The following CCNY variants were observed in gnomAD, a reference collection of about 807,000 sequenced individuals.
The protein encoded by CCNY is cyclin-Y.
CCNY carries 19 observed loss-of-function variants against 42.8 expected under a neutral mutation model. The ratio of observed to expected loss-of-function variants is 0.44; its 90% confidence interval spans 0.31 to 0.65. CCNY has a LOEUF of 0.65. Among genes scored for constraint, CCNY ranks in the 30% least tolerant of loss-of-function variants. The probability of loss-of-function intolerance (pLI) is 0.07; values close to 1 mark genes in which losing one functional copy is unlikely to be tolerated. For synonymous variants in CCNY, 165 were observed against 162.7 expected, an observed-to-expected ratio of 1.01 and a Z score of -0.11; for missense variants, 370 against 437.3, an observed-to-expected ratio of 0.85 and a Z score of 1.37.
At chr10:35,289,878 CA>C (rs35388058) in intron 3 of CCNY, among the ~76,000 whole-genome samples, 33,359 of 85,670 alleles carry the variant, frequency 0.39, 3,793 homozygotes, top group Admixed American at 0.44. Context: ...GACTCTGTCT[CA>C]AAAAAAAAAA....
chr10:35,370,789 C>T (rs1836917669), intron 1 of CCNY, among the ~76,000 whole-genome samples: 1 of 151,634 alleles, frequency 6.6e-6, no homozygotes, highest in African/African-American at 2.4e-5. Context: ...CATCTTGGCT[C>T]ACTACAAGCT....
intron 1 of CCNY, among the ~76,000 whole-genome samples, chr10:35,472,174 T>C (rs920584682): frequency 6.6e-6 from 1 of 152,184 alleles, no homozygotes; most frequent in African/African-American, 2.4e-5. Flanking sequence ...AGTACCTGAC[T>C]CCTAATCGTC....
chr10:35,532,469 A>G (rs527248034), intron 7 of CCNY, among the ~76,000 whole-genome samples: 40 of 152,346 alleles, frequency 2.6e-4, no homozygotes, highest in African/African-American at 9.4e-4. Flanking sequence ...CAAACACCCA[A>G]ACCTACTTCA....
At chr10:35,410,516 A>C (rs576870022) in intron 1 of CCNY, among the ~76,000 whole-genome samples, 2 of 152,228 alleles carry the variant, frequency 1.3e-5, no homozygotes, top group African/African-American at 4.8e-5. Context: ...AAGTAAGGCA[A>C]ATAGGGTCCT....
At chr10:35,557,368 C>A (rs921363733) in intron 8 of CCNY, among the ~76,000 whole-genome samples, 15 of 152,212 alleles carry the variant, frequency 9.9e-5, no homozygotes, top group Non-Finnish European at 2.1e-4. Flanking sequence ...ACATTTAAGT[C>A]AAAATTGCAG....
intron 3 of CCNY, among the ~76,000 whole-genome samples, chr10:35,329,800 C>T (rs1835921925): frequency 6.6e-6 from 1 of 152,050 alleles, no homozygotes; most frequent in African/African-American, 2.4e-5. Flanking sequence ...GGCGAGCAGG[C>T]CAACCTGACT....
At chr10:35,555,047 A>ATT (rs1841336562) in intron 8 of CCNY, among the ~76,000 whole-genome samples, 1 of 152,220 alleles carries the variant, frequency 6.6e-6, no homozygotes, top group African/African-American at 2.4e-5. Context: ...TTTATAAAAT[A>ATT]TTTGTCAGGA....
Position 35,254,999 on chromosome 10 carries a change from C to T in CCNY, c.-9+4373C>T, listed in dbSNP as rs116839276. ...TAAACAATCGACTGTTGGGTTGTGG[C>T]CTAACAAAGGGTCTACCCTGGGTAA... On this transcript the variant is annotated intron_variant, in intron 3 of 11. Coordinates refer to the CCNY transcript ENST00000374706. Among the ~76,000 whole-genome samples the T allele has an allele frequency of 8.2e-3, 1,250 of 152,176 alleles. 25 individuals carry two copies. The highest frequency in any genetic ancestry group is 0.028 in the African/African-American group (1,181 of 41,516).
intron 3 of CCNY, among the ~76,000 whole-genome samples, chr10:35,255,914 T>A (rs1170355451): frequency 1.3e-5 from 2 of 152,216 alleles, no homozygotes; most frequent in African/African-American, 2.4e-5. Context: ...TTAAATCTTC[T>A]TGCTGTACTG....
rs577201141 is a variant in CCNY at position 35,368,731 on chromosome 10, C to T, written c.154+31524C>T. Among the ~76,000 whole-genome samples, 32 of 152,320 alleles carry T rather than the reference C, an allele frequency of 2.1e-4. No individual in the cohort carries two copies. In the South Asian group the frequency reaches 5.8e-3, roughly 28 times the overall value. ...GGCCGCTGTGGGGTGGGCGGTGTGG[C>T]ATAGGAGTGCCCTTCCAACTTGGGA... On this transcript the variant is annotated intron_variant, in intron 1 of 9. Transcript: ENST00000374704.
intron 1 of CCNY, among the ~76,000 whole-genome samples, chr10:35,362,341 GGA>G (rs1487469915): frequency 6.6e-6 from 1 of 152,212 alleles, no homozygotes; most frequent in Non-Finnish European, 1.5e-5. Context: ...ACAGTTTCAT[GGA>G]GAGAGAGATT....
chr10:35,374,644 A>C (rs1379050816), intron 1 of CCNY, among the ~76,000 whole-genome samples: 1 of 152,212 alleles, frequency 6.6e-6, no homozygotes, highest in Non-Finnish European at 1.5e-5. Flanking sequence ...TGGCGATGCA[A>C]CTGTGGTCTT....
intron 3 of CCNY, among the ~76,000 whole-genome samples, chr10:35,261,573 C>T (rs977454645): frequency 4.3e-4 from 66 of 152,038 alleles, no homozygotes; most frequent in African/African-American, 1.3e-3. Flanking sequence ...GGCTTGGTGG[C>T]TCATGCCTGT....
chr10:35,530,662 G>A lies in CCNY; in HGVS notation c.579+419G>A, dbSNP rs1840746189. ...TCATCTTATATGAACACTTGTCTAG[G>A]AAGGAGTGTGTATATTCCTAGCTTC... On this transcript the variant is annotated intron_variant, in intron 7 of 9. Transcript: ENST00000374704. This position sits in a 1 kb window ranked among gnomAD's most constrained non-coding sequence, Gnocchi z 4.3. Among the ~76,000 whole-genome samples, 1 of 152,158 alleles carries A rather than the reference G, an allele frequency of 6.6e-6. No homozygotes were observed. Among genetic ancestry groups the A allele is most frequent in the African/African-American group, 2.4e-5 (1 of 41,424 alleles).
At chr10:35,362,385 G>T (rs952139270) in intron 1 of CCNY, among the ~76,000 whole-genome samples, 2 of 152,158 alleles carry the variant, frequency 1.3e-5, no homozygotes, top group Non-Finnish European at 2.9e-5. Flanking sequence ...GGTGGTTCTT[G>T]CAAATAGAAC....
chr10:35,266,455 G>T (rs1383156151), intron 3 of CCNY, among the ~76,000 whole-genome samples: 1 of 151,820 alleles, frequency 6.6e-6, no homozygotes, highest in African/African-American at 2.4e-5. Flanking sequence ...CTTGGTGGAG[G>T]AATTCCATGT....
intron 2 of CCNY, among the ~76,000 whole-genome samples, chr10:35,486,211 G>A (rs12572958): frequency 1.5e-4 from 23 of 152,126 alleles, no homozygotes; most frequent in African/African-American, 3.6e-4. Context: ...GGTGGGCAGC[G>A]GTGCTGGAGA....
chr10:35,267,777 C>T (rs1182148522), intron 3 of CCNY, among the ~76,000 whole-genome samples: 2 of 152,034 alleles, frequency 1.3e-5, no homozygotes, highest in Admixed American at 1.3e-4. Context: ...TTGAGTTGTG[C>T]AATGTCGGGT....
intron 2 of CCNY, among the ~76,000 whole-genome samples, chr10:35,495,523 T>C (rs1839987271): frequency 6.6e-6 from 1 of 152,226 alleles, no homozygotes; most frequent in African/African-American, 2.4e-5. Context: ...ATCTTAGAAA[T>C]GTTTCTATGT....
Sources: gnomAD v4.1 joint callset for allele counts (sites outside exome capture counted in the v4.1 genomes callset) on GRCh38, gnomAD v4.1.1 for gene constraint, Gnocchi (gnomAD v3.1) non-coding constraint, MANE v1.5 for transcripts, NCBI Gene and HGNC (gene_info 2026-07-23, HGNC 2026-07-21) for gene names.